Variants in ZMYND8 observed in about 807,000 individuals in gnomAD.
The protein encoded by ZMYND8 is zinc finger MYND-type containing 8.
In ZMYND8, 37 loss-of-function variants were observed where a neutral mutation model predicts 140.8. The observed-to-expected ratio is 0.26, with a 90% CI of 0.20 to 0.35. The LOEUF (loss-of-function observed/expected upper bound fraction) is 0.35. Among genes scored for constraint, ZMYND8 ranks in the 10% least tolerant of loss-of-function variants. The probability of loss-of-function intolerance (pLI) is 1.00; values close to 1 mark genes in which losing one functional copy is unlikely to be tolerated. For synonymous variants in ZMYND8, 592 were observed against 597.1 expected, an observed-to-expected ratio of 0.99 and a Z score of 0.12; for missense variants, 1,068 against 1,570.0, an observed-to-expected ratio of 0.68 and a Z score of 5.40.
chr20:47,215,563 T>C (rs1323304270), intron 21 of ZMYND8, among the ~76,000 whole-genome samples: 1 of 151,382 alleles, frequency 6.6e-6, no homozygotes, highest in Non-Finnish European at 1.5e-5. Flanking sequence ...TGGAGTGCAG[T>C]GGCTATTCAC....
intron 2 of ZMYND8, among the ~76,000 whole-genome samples, chr20:47,317,660 A>G (rs888620433): frequency 1.3e-5 from 2 of 152,232 alleles, no homozygotes; most frequent in African/African-American, 4.8e-5. Flanking sequence ...GAGTAGGGCA[A>G]CCAACCATGT....
Position 47,282,058 on chromosome 20 carries a change from G to A in ZMYND8, c.998+44C>T, listed in dbSNP as rs775133337. 3.1e-5 allele frequency: 47 copies of A among 1,522,808 alleles called. No homozygotes were observed. The Middle Eastern group carries it at 5.2e-4, about 17-fold the overall frequency. 94.3% of individuals were successfully genotyped at this position (1,522,808 alleles called of 1,614,324 possible). A position where few individuals can be genotyped will look rare whatever the true frequency, so the allele number is the denominator to read the frequency against. The stretch of plus-strand genomic sequence containing the variant: ...TTTCTTATCTCATAACAGTATCAAA[G>A]TTCAGTGAAAGCTACATGTTCCAAG... On this transcript the variant is annotated intron_variant, in intron 10 of 22. Transcript: ENST00000471951.
chr20:47,236,038 C>G (rs1323596932), intron 16 of ZMYND8, among the ~76,000 whole-genome samples: 1 of 152,234 alleles, frequency 6.6e-6, no homozygotes, highest in Non-Finnish European at 1.5e-5. Flanking sequence ...GTTCCAGTGC[C>G]TTAATGAGTG....
chr20:47,328,533 A>G (rs1346832647), intron 2 of ZMYND8, among the ~76,000 whole-genome samples: 1 of 151,962 alleles, frequency 6.6e-6, no homozygotes, highest in African/African-American at 2.4e-5. Flanking sequence ...GCATGATCTC[A>G]GCTCACTACA....
chr20:47,323,685 G>GA (rs2080157305), intron 2 of ZMYND8, among the ~76,000 whole-genome samples: 1 of 152,104 alleles, frequency 6.6e-6, no homozygotes, highest in African/African-American at 2.4e-5. Context: ...GAACTTCCTT[G>GA]AAAATCAAAG....
At chr20:47,313,226 A>G (rs1449747495) in intron 2 of ZMYND8, among the ~76,000 whole-genome samples, 2 of 87,594 alleles carry the variant, frequency 2.3e-5, no homozygotes, top group Non-Finnish European at 3.8e-5. Context: ...TGTCTCTGAA[A>G]AAAAAAAAAA....
At chr20:47,270,796 G>A (rs887231585) in intron 11 of ZMYND8, among the ~76,000 whole-genome samples, 1 of 151,466 alleles carries the variant, frequency 6.6e-6, no homozygotes, top group African/African-American at 2.4e-5. Flanking sequence ...AACAGAAATC[G>A]GCCGGGTGCA....
At chr20:47,334,129 C>A (rs2081198456) in intron 2 of ZMYND8, among the ~76,000 whole-genome samples, 1 of 151,980 alleles carries the variant, frequency 6.6e-6, no homozygotes, top group South Asian at 2.1e-4. Flanking sequence ...TATGGAATAC[C>A]ATAATGAAAG....
chr20:47,301,430 A>AC (rs1272344958), intron 3 of ZMYND8, among the ~76,000 whole-genome samples: 3 of 152,166 alleles, frequency 2.0e-5, no homozygotes, highest in African/African-American at 7.2e-5. Flanking sequence ...TGCTGGGATT[A>AC]CAGGTGTTGG....
At chr20:47,300,927 TG>T (rs2077988048) in intron 3 of ZMYND8, among the ~76,000 whole-genome samples, 2 of 149,572 alleles carry the variant, frequency 1.3e-5, no homozygotes, top group Non-Finnish European at 3.0e-5. Flanking sequence ...TGTGTGTGTG[TG>T]TGTGTGTTTT....
chr20:47,305,746 T>C lies in ZMYND8; in HGVS notation c.234+4310A>G, dbSNP rs188750981. On this transcript the variant is annotated intron_variant, in intron 3 of 22. Transcript: ENST00000471951. ...TGATCAAAGATGCACCTAAGGCCAT[T>C]CTGTACAAATCTGCTGGCACGTTAT... Among the ~76,000 whole-genome samples the C allele has an allele frequency of 3.3e-5, 5 of 152,292 alleles. No individual in the cohort carries two copies. In the East Asian group the frequency reaches 9.6e-4, roughly 29 times the overall value.
At chr20:47,236,276 C>T (rs752172175) in intron 16 of ZMYND8, 50 bp downstream of exon 16, 1 of 1,610,622 alleles carries the variant, frequency 6.2e-7, no homozygotes, top group South Asian at 1.1e-5. Context: ...AAGATTCTGG[C>T]ATCCTGCCAG....
intron 12 of ZMYND8, among the ~76,000 whole-genome samples, chr20:47,255,942 G>A (rs1330663720): frequency 6.0e-5 from 9 of 149,120 alleles, no homozygotes; most frequent in Admixed American, 3.4e-4. Flanking sequence ...GCATGGTGGC[G>A]TATGCCTGTT....
At chr20:47,210,973 C>T in intron 22 of ZMYND8, 76 bp from the exon 23 acceptor site, 6 of 1,561,250 alleles carry the variant, frequency 3.8e-6, no homozygotes, top group Non-Finnish European at 3.5e-6. Flanking sequence ...ATCTGACCTG[C>T]CCCTCCTGCA....
chr20:47,237,136 T>C (rs1381429510), intron 15 of ZMYND8, among the ~76,000 whole-genome samples: 1 of 150,942 alleles, frequency 6.6e-6, no homozygotes, highest in Non-Finnish European at 1.5e-5. Flanking sequence ...AATGAGCCAC[T>C]TTTTGGCAGC....
rs770865032 is a variant in ZMYND8, at chr20:47,210,412, CT to C, written c.*348del. 8.2e-3 allele frequency: 841 copies of C among 102,356 alleles called. 1 individual carries two copies. Among genetic ancestry groups the C allele is most frequent in the South Asian group, 0.017 (72 of 4,184 alleles). The allele number at this position is 102,356 out of a possible 1,614,324, so 6.3% of individuals were successfully genotyped here. The stretch of plus-strand genomic sequence containing the variant: ...TCTTTTTTGTTGTTGGGGTTGGTTG[CT>C]TTTTTTTTTTTTTTTAAATCGTTTT... On this transcript the variant is annotated 3_prime_UTR_variant, in exon 23 of 23. Coordinates refer to ENST00000471951, the MANE Select transcript of ZMYND8 (RefSeq NM_001281775.3).
Position 47,267,415 on chromosome 20 carries a change from T to C in ZMYND8, c.1481-4987A>G, listed in dbSNP as rs141134127. ...GTTCAAAATGGTAAATTTTATGTTA[T>C]GTGAATTTGACCTCATTTTTTTAAA... On this transcript the variant is annotated intron_variant, in intron 11 of 22. Transcript: ENST00000471951. Among the ~76,000 whole-genome samples the C allele has an allele frequency of 6.0e-3, 889 of 148,882 alleles. 5 individuals are homozygous for C. The highest frequency in any genetic ancestry group is 0.02 in the African/African-American group (829 of 40,446).
chr20:47,290,588 T>G (rs2077194338), intron 6 of ZMYND8, among the ~76,000 whole-genome samples: 2 of 141,654 alleles, frequency 1.4e-5, no homozygotes, highest in African/African-American at 2.6e-5. Context: ...ATTTAGTTTT[T>G]TTTTTTTTTT....
intron 3 of ZMYND8, among the ~76,000 whole-genome samples, chr20:47,307,050 A>G (rs1245037677): frequency 6.6e-6 from 1 of 152,012 alleles, no homozygotes; most frequent in Non-Finnish European, 1.5e-5. Flanking sequence ...CCAAATTTCT[A>G]TGTTGATGTT....
Sources: allele counts gnomAD v4.1 joint callset (sites outside exome capture counted in the v4.1 genomes callset), GRCh38; gene constraint gnomAD v4.1.1; transcripts MANE v1.5; gene names NCBI Gene and HGNC (gene_info 2026-07-23, HGNC 2026-07-21).